NLGN1: variants seen among roughly 807,000 people sequenced by gnomAD.
NLGN1 encodes neuroligin-1.
In NLGN1, 12 loss-of-function variants were observed where a neutral mutation model predicts 65.5. The observed-to-expected ratio is 0.18, with a 90% CI of 0.12 to 0.30. The LOEUF is 0.30. Ranked by LOEUF, NLGN1 falls within the 10% of genes least tolerant of loss-of-function variation. NLGN1 has a pLI of 1.00. For synonymous variants in NLGN1, 350 were observed against 359.5 expected (o/e 0.97, Z 0.30); for missense variants, 750 against 1,007.1 (o/e 0.74, Z 3.46).
At chr3:173,770,760 A>C (rs577534940) in intron 3 of NLGN1, among the ~76,000 whole-genome samples, 4 of 152,254 alleles carry the variant, frequency 2.6e-5, no homozygotes, top group South Asian at 2.1e-4. Context: ...GGCAGTGTGC[A>C]TCCCAAAAAA....
intron 2 of NLGN1, among the ~76,000 whole-genome samples, chr3:173,587,892 A>G (rs554955907): frequency 1.3e-5 from 2 of 151,910 alleles, no homozygotes; most frequent in South Asian, 4.1e-4. Context: ...CACATTTGCT[A>G]TAGATTCTTT....
chr3:173,633,515 C>A (rs1276747623), intron 3 of NLGN1, among the ~76,000 whole-genome samples: 1 of 152,044 alleles, frequency 6.6e-6, no homozygotes, highest in Non-Finnish European at 1.5e-5. Flanking sequence ...TTTGTAAGTT[C>A]CTGGAAAGAG....
intron 2 of NLGN1, among the ~76,000 whole-genome samples, chr3:173,472,254 A>G (rs1725438250): frequency 6.6e-6 from 1 of 152,084 alleles, no homozygotes; most frequent in Non-Finnish European, 1.5e-5. Flanking sequence ...GACCACAAAC[A>G]TATTCTACTC....
intron 3 of NLGN1, among the ~76,000 whole-genome samples, chr3:173,634,738 TCCAC>T (rs1200578458): frequency 6.6e-6 from 1 of 152,150 alleles, no homozygotes; most frequent in Non-Finnish European, 1.5e-5. Context: ...GGATTGCTCA[TCCAC>T]TTGAAGGCAA....
chr3:174,008,698 A>G (rs1051188535), intron 4 of NLGN1, among the ~76,000 whole-genome samples: 17 of 152,192 alleles, frequency 1.1e-4, no homozygotes, highest in African/African-American at 3.9e-4. Context: ...ACATTAATGT[A>G]TGGCAGGAAG....
At chr3:173,639,793 A>G (rs947160214) in intron 3 of NLGN1, among the ~76,000 whole-genome samples, 15 of 152,120 alleles carry the variant, frequency 9.9e-5, no homozygotes, top group African/African-American at 3.6e-4. Flanking sequence ...AATGCTGCAC[A>G]TTTTATAATG....
chr3:173,808,235 G>T (rs768712436), intron 4 of NLGN1, among the ~76,000 whole-genome samples: 6 of 151,994 alleles, frequency 3.9e-5, no homozygotes, highest in Non-Finnish European at 8.8e-5. Context: ...ACTCGCTTTT[G>T]GGAATGATTG....
At chr3:174,190,562 A>G (rs1194044426) in intron 4 of NLGN1, among the ~76,000 whole-genome samples, 1 of 152,052 alleles carries the variant, frequency 6.6e-6, no homozygotes, top group Non-Finnish European at 1.5e-5. Flanking sequence ...AAATTACTAT[A>G]TTAACATATG....
chr3:174,130,334 G>A (rs1021997314), intron 4 of NLGN1, among the ~76,000 whole-genome samples: 2 of 152,016 alleles, frequency 1.3e-5, no homozygotes, highest in African/African-American at 2.4e-5. Context: ...AGATCGCGCC[G>A]TTGCACTCCA....
chr3:174,043,608 G>A (rs1394962147), intron 4 of NLGN1, among the ~76,000 whole-genome samples: 3 of 152,242 alleles, frequency 2.0e-5, no homozygotes, highest in Admixed American at 6.5e-5. Context: ...TCACATCCAG[G>A]TCATGCTGAT....
chr3:173,804,571 A>G (rs113678098), intron 3 of NLGN1, among the ~76,000 whole-genome samples: 3 of 151,664 alleles, frequency 2.0e-5, no homozygotes, highest in Admixed American at 6.6e-5. Context: ...GCTATCTGAT[A>G]TATTAGTTTT....
intron 3 of NLGN1, among the ~76,000 whole-genome samples, chr3:173,660,424 G>A (rs984896687): frequency 6.6e-6 from 1 of 151,030 alleles, no homozygotes; most frequent in Non-Finnish European, 1.5e-5. Flanking sequence ...CTAGGTTCAT[G>A]CATTGAAATT....
At chr3:174,016,431 C>T (rs1248940384) in intron 4 of NLGN1, among the ~76,000 whole-genome samples, 1 of 152,158 alleles carries the variant, frequency 6.6e-6, no homozygotes, top group Non-Finnish European at 1.5e-5. Flanking sequence ...AGAATAAGTA[C>T]ATCTCGGAAA....
At chr3:173,561,594 T>TACA (rs1387354310) in intron 2 of NLGN1, among the ~76,000 whole-genome samples, 1 of 152,154 alleles carries the variant, frequency 6.6e-6, no homozygotes, top group Non-Finnish European at 1.5e-5. Context: ...TATGTGGTAA[T>TACA]AATATAGAAT....
chr3:173,629,356 T>A (rs946603700), intron 3 of NLGN1, among the ~76,000 whole-genome samples: 2 of 152,040 alleles, frequency 1.3e-5, no homozygotes, highest in Admixed American at 6.6e-5. Flanking sequence ...GCTCAAACAA[T>A]CCTCCATTCT....
At chr3:174,191,376 T>G in intron 4 of NLGN1, among the ~76,000 whole-genome samples, 1 of 152,132 alleles carries the variant, frequency 6.6e-6, no homozygotes, top group East Asian at 1.9e-4. Context: ...AGATAATTAT[T>G]TTTTAGTACA....
intron 3 of NLGN1, among the ~76,000 whole-genome samples, chr3:173,631,671 A>G (rs2149543528): frequency 6.6e-6 from 1 of 152,308 alleles, no homozygotes; most frequent in East Asian, 1.9e-4. Context: ...ACGAGAGTAA[A>G]TCTAGTCCAA....
In NLGN1 at chr3:173,628,737, A is replaced by G. The variant is rs565034359; in HGVS notation, c.493+23646A>G. On this transcript the variant is annotated intron_variant, in intron 3 of 6. Transcript: ENST00000457714. ...GAAATAGAGTCTTGCTTTGTTGCCC[A>G]GGCTAGAGTGCGGTGGCGTGATCTC... Among the ~76,000 whole-genome samples, 3 of 152,050 alleles carry G rather than the reference A, an allele frequency of 2.0e-5. No homozygotes were observed. The East Asian group carries it at 5.8e-4, about 29-fold the overall frequency.
intron 2 of NLGN1, among the ~76,000 whole-genome samples, chr3:173,550,015 G>C (rs1577227396): frequency 6.6e-6 from 1 of 152,126 alleles, no homozygotes; most frequent in East Asian, 1.9e-4. Flanking sequence ...TGAGGATCTA[G>C]GTCAACTGAG....
Sources: allele counts gnomAD v4.1 joint callset (sites outside exome capture counted in the v4.1 genomes callset), GRCh38; gene constraint gnomAD v4.1.1; transcripts MANE v1.5; gene names NCBI Gene and HGNC (gene_info 2026-07-23, HGNC 2026-07-21).